The following C12orf42 variants were observed in gnomAD, a reference collection of about 807,000 sequenced individuals.
The protein encoded by C12orf42 is chromosome 12 open reading frame 42, also known as uncharacterized protein C12orf42.
Under a neutral mutation model 21.6 loss-of-function variants are expected in C12orf42, and 25 were observed. The ratio of observed to expected loss-of-function variants is 1.16; its 90% CI spans 0.84 to 1.62. C12orf42 has a LOEUF of 1.62. C12orf42 is among the 40% of genes most tolerant of loss of function. The pLI is 0.00. For missense variants in C12orf42, 483 were observed against 459.3 expected (o/e 1.05, Z -0.47); for synonymous variants, 174 against 175.0 (o/e 0.99, Z 0.05).
the C12orf42 span, among the ~76,000 whole-genome samples, chr12:103,100,221 C>T: frequency 4.6e-5 from 7 of 152,290 alleles, no homozygotes; most frequent in Non-Finnish European, 7.4e-5. Flanking sequence ...CAAACTTTGG[C>T]GGGCAATCTT....
the C12orf42 span, among the ~76,000 whole-genome samples, chr12:103,104,349 A>T: frequency 1.3e-5 from 2 of 152,262 alleles, no homozygotes; most frequent in African/African-American, 4.8e-5. Context: ...GTGAAGACTG[A>T]ACAAACAAAT....
At chr12:103,332,655 A>T (rs918495815) in intron 4 of C12orf42, among the ~76,000 whole-genome samples, 2 of 152,252 alleles carry the variant, frequency 1.3e-5, no homozygotes, top group Admixed American at 6.5e-5. Flanking sequence ...ATCCTCAGTA[A>T]TGCCTGTCCC....
At chr12:103,101,813 C>T in the C12orf42 span, among the ~76,000 whole-genome samples, 158 of 152,296 alleles carry the variant, frequency 1.0e-3, 2 homozygotes, top group Admixed American at 0.01. Flanking sequence ...CTGGTGTTGG[C>T]TGGATTTACT....
At chr12:103,116,256 C>T in the C12orf42 span, among the ~76,000 whole-genome samples, 12 of 151,432 alleles carry the variant, frequency 7.9e-5, no homozygotes, top group African/African-American at 1.2e-4. Context: ...CCCAGCTACT[C>T]GGGAGGCTGA....
the C12orf42 span, among the ~76,000 whole-genome samples, chr12:103,080,137 G>A: frequency 6.6e-6 from 1 of 152,088 alleles, no homozygotes; most frequent in Non-Finnish European, 1.5e-5. Flanking sequence ...CACGAGAGGA[G>A]GCTTCTTTCT....
chr12:103,561,636 G>A, the C12orf42 span, among the ~76,000 whole-genome samples: 1 of 152,118 alleles, frequency 6.6e-6, no homozygotes. Context: ...AATCTGGGGA[G>A]GACAGAAACA....
At chr12:103,490,346 T>G (rs1955113740) in intron 1 of C12orf42, among the ~76,000 whole-genome samples, 1 of 152,232 alleles carries the variant, frequency 6.6e-6, no homozygotes, top group African/African-American at 2.4e-5. Context: ...TTTTAGTCAA[T>G]TTGGAGAGTT....
chr12:103,119,709 A>G, the C12orf42 span, among the ~76,000 whole-genome samples: 1 of 152,254 alleles, frequency 6.6e-6, no homozygotes, highest in Non-Finnish European at 1.5e-5. Flanking sequence ...GGCATATATG[A>G]AACATTTAAT....
intron 2 of C12orf42, among the ~76,000 whole-genome samples, chr12:103,403,816 C>A (rs1343236491): frequency 6.6e-6 from 1 of 152,190 alleles, no homozygotes; most frequent in East Asian, 1.9e-4. Flanking sequence ...AAGTAGTCAA[C>A]CTTTGCCCAG....
chr12:103,535,280 C>A, the C12orf42 span, among the ~76,000 whole-genome samples: 2 of 151,822 alleles, frequency 1.3e-5, no homozygotes, highest in Non-Finnish European at 2.9e-5. Flanking sequence ...TATGGTAGGC[C>A]CATTCAGGGA....
intron 5 of C12orf42, among the ~76,000 whole-genome samples, chr12:103,271,476 G>T (rs2035471382): frequency 6.6e-6 from 1 of 152,120 alleles, no homozygotes; most frequent in Non-Finnish European, 1.5e-5. Context: ...CTGTGATGCT[G>T]GTTCTGCCAA....
At chr12:103,153,203 A>G in the C12orf42 span, among the ~76,000 whole-genome samples, 4 of 152,198 alleles carry the variant, frequency 2.6e-5, no homozygotes, top group African/African-American at 9.6e-5. Context: ...TTAATTATGA[A>G]GGAAAAAACT....
At chr12:103,190,169 A>C in the C12orf42 span, among the ~76,000 whole-genome samples, 1 of 152,218 alleles carries the variant, frequency 6.6e-6, no homozygotes, top group Non-Finnish European at 1.5e-5. Flanking sequence ...GTCTGAGGCC[A>C]AGGGCCTGAG....
the C12orf42 span, chr12:103,559,879 G>T: frequency 6.6e-6 from 1 of 152,170 alleles, no homozygotes; most frequent in African/African-American, 2.4e-5. Context: ...AAGTGTAATT[G>T]TTATTGATTA....
At chr12:103,557,362 G>T in the C12orf42 span, 1 of 152,144 alleles carries the variant, frequency 6.6e-6, no homozygotes, top group East Asian at 1.9e-4. Context: ...GGTACATTCT[G>T]TTTACAGAGC....
the C12orf42 span, among the ~76,000 whole-genome samples, chr12:103,540,586 T>C: frequency 6.6e-6 from 1 of 152,196 alleles, no homozygotes; most frequent in Admixed American, 6.5e-5. Flanking sequence ...TGCCTTCAGG[T>C]CTAAAATTAT....
intron 4 of C12orf42, among the ~76,000 whole-genome samples, chr12:103,284,993 C>T (rs2036355076): frequency 6.6e-6 from 1 of 152,136 alleles, no homozygotes; most frequent in Non-Finnish European, 1.5e-5. Flanking sequence ...GTTCCCTAAG[C>T]AAATGATTCC....
chr12:103,499,408 TGGG>T (rs1224552498), upstream of C12orf42, among the ~76,000 whole-genome samples: 2 of 152,166 alleles, frequency 1.3e-5, no homozygotes, highest in Non-Finnish European at 2.9e-5. Context: ...ACACCAAATC[TGGG>T]GAAAATGTTT....
intron 2 of C12orf42, among the ~76,000 whole-genome samples, chr12:103,411,870 C>CACACAT (rs1411144996): frequency 6.6e-6 from 1 of 152,270 alleles, no homozygotes; most frequent in East Asian, 1.9e-4. Context: ...CAAACACACA[C>CACACAT]ACACATACAC....
Sources: allele counts gnomAD v4.1 joint callset (sites outside exome capture counted in the v4.1 genomes callset), GRCh38; gene constraint gnomAD v4.1.1; transcripts MANE v1.5; gene names NCBI Gene and HGNC (gene_info 2026-07-23, HGNC 2026-07-21).